Variants in FHIT observed in about 807,000 individuals in gnomAD.
FHIT encodes the protein fragile histidine triad diadenosine triphosphatase, also known as bis(5'-adenosyl)-triphosphatase.
A neutral mutation model predicts 17.9 loss-of-function variants in FHIT; 19 were observed. The ratio of observed to expected loss-of-function variants is 1.06; its 90% CI spans 0.74 to 1.56. The LOEUF (loss-of-function observed/expected upper bound fraction) is 1.56, where lower values mean the gene tolerates loss of function less well. Among genes scored for constraint, FHIT ranks in the 40% most tolerant of loss-of-function variants. The pLI, the probability that FHIT is intolerant of heterozygous loss-of-function variation, is 0.00. For missense variants in FHIT, 248 were observed against 189.2 expected (o/e 1.31, Z -1.82); for synonymous variants, 81 against 69.7 (o/e 1.16, Z -0.81).
chr3:60,919,801 C>T (rs187730222), intron 3 of FHIT, among the ~76,000 whole-genome samples: 11 of 152,076 alleles, frequency 7.2e-5, no homozygotes, highest in African/African-American at 2.2e-4. Flanking sequence ...TTTGGGAGGC[C>T]GAGATAGGTA....
intron 5 of FHIT, among the ~76,000 whole-genome samples, chr3:60,170,517 T>C (rs929910167): frequency 1.3e-5 from 2 of 152,154 alleles, no homozygotes; most frequent in African/African-American, 4.8e-5. Flanking sequence ...AAATGGACCA[T>C]GTTTTGCTCA....
intron 7 of FHIT, among the ~76,000 whole-genome samples, chr3:59,997,275 C>A (rs1242410059): frequency 6.6e-6 from 1 of 152,096 alleles, no homozygotes; most frequent in Non-Finnish European, 1.5e-5. Flanking sequence ...AATACATTTT[C>A]TTTCAACTTC....
intron 8 of FHIT, among the ~76,000 whole-genome samples, chr3:59,768,949 T>C (rs1016809525): frequency 6.6e-6 from 1 of 152,228 alleles, no homozygotes; most frequent in Non-Finnish European, 1.5e-5. Flanking sequence ...TAAACTTACT[T>C]ACAAAGAATC....
intron 4 of FHIT, among the ~76,000 whole-genome samples, chr3:60,584,400 T>A (rs2037842434): frequency 6.6e-6 from 1 of 151,926 alleles, no homozygotes. Context: ...CATACACACA[T>A]ACAACCCTTG....
chr3:60,032,449 C>A (rs1025789215), intron 5 of FHIT, among the ~76,000 whole-genome samples: 2 of 74,974 alleles, frequency 2.7e-5, no homozygotes, highest in Non-Finnish European at 6.9e-5. Context: ...AAGACCGTAC[C>A]TTGAAAAAAA....
intron 8 of FHIT, among the ~76,000 whole-genome samples, chr3:59,760,487 G>T (rs530660160): frequency 4.0e-4 from 61 of 151,808 alleles, no homozygotes; most frequent in Admixed American, 1.4e-3. Flanking sequence ...TTTGGAACAT[G>T]CTATGTACCC....
chr3:60,409,060 T>C (rs1701974482), intron 5 of FHIT, among the ~76,000 whole-genome samples: 1 of 152,170 alleles, frequency 6.6e-6, no homozygotes, highest in Non-Finnish European at 1.5e-5. Flanking sequence ...TTACTATTTA[T>C]TTGATCCTCA....
chr3:60,774,706 A>G (rs1700160912), intron 4 of FHIT, among the ~76,000 whole-genome samples: 1 of 152,162 alleles, frequency 6.6e-6, no homozygotes, highest in Non-Finnish European at 1.5e-5. Flanking sequence ...TTAGTAAGTA[A>G]AATAAGGGTT....
intron 2 of FHIT, among the ~76,000 whole-genome samples, chr3:61,077,393 T>C (rs1281029226): frequency 6.6e-6 from 1 of 151,826 alleles, no homozygotes; most frequent in East Asian, 1.9e-4. Context: ...GGCGAGAAAT[T>C]AGAGTGAGAA....
chr3:61,186,084 T>C (rs2038499251), intron 2 of FHIT, among the ~76,000 whole-genome samples: 1 of 152,208 alleles, frequency 6.6e-6, no homozygotes, highest in Non-Finnish European at 1.5e-5. Flanking sequence ...TTTGTTATTA[T>C]CACCATCACT....
intron 5 of FHIT, among the ~76,000 whole-genome samples, chr3:60,178,777 A>C (rs1701794402): frequency 6.6e-6 from 1 of 152,166 alleles, no homozygotes. Context: ...AGATCAAATA[A>C]GGTAGGGAAA....
intron 3 of FHIT, among the ~76,000 whole-genome samples, chr3:60,993,159 T>C (rs994446462): frequency 6.6e-6 from 1 of 152,166 alleles, no homozygotes; most frequent in African/African-American, 2.4e-5. Flanking sequence ...TCTATCTCAG[T>C]GAAAAATGTT....
chr3:60,094,215 C>G (rs547062321), intron 5 of FHIT, among the ~76,000 whole-genome samples: 101 of 152,242 alleles, frequency 6.6e-4, no homozygotes, highest in Non-Finnish European at 1.2e-3. Context: ...TTATATTTGA[C>G]AAATGATATC....
intron 5 of FHIT, among the ~76,000 whole-genome samples, chr3:60,456,911 C>T (rs184889955): frequency 3.9e-4 from 59 of 152,230 alleles, no homozygotes; most frequent in African/African-American, 1.3e-3. Context: ...CTACAAACCA[C>T]TGCTCAATGA....
intron 2 of FHIT, among the ~76,000 whole-genome samples, chr3:61,115,794 A>G (rs2036283858): frequency 6.6e-6 from 1 of 152,158 alleles, no homozygotes; most frequent in Admixed American, 6.6e-5. Context: ...GTAGGAAAGT[A>G]TAGGGCCTGG....
chr3:60,507,252 A>C lies in FHIT; in HGVS notation c.103+29608T>G, dbSNP rs1576780866. Reference sequence around the variant, plus strand: ...AAGACAATGCAAAAACATTCCAGTCAAGAGAGAAACAACATGCAAAGGCCT... The same window carrying C: ...AAGACAATGCAAAAACATTCCAGTCCAGAGAGAAACAACATGCAAAGGCCT... On this transcript the variant is annotated intron_variant, in intron 5 of 9. Transcript: ENST00000492590. Among the ~76,000 whole-genome samples, 10 of 152,196 alleles carry C rather than the reference A, an allele frequency of 6.6e-5. 1 individual carries two copies. In the South Asian group the frequency reaches 2.1e-3, roughly 32 times the overall value.
intron 3 of FHIT, among the ~76,000 whole-genome samples, chr3:60,825,060 C>T (rs1553740539): frequency 6.6e-6 from 1 of 152,096 alleles, no homozygotes; most frequent in African/African-American, 2.4e-5. Context: ...TCAGTGTTGT[C>T]CAAGATATGA....
chr3:60,155,920 T>C (rs1293539619), intron 5 of FHIT, among the ~76,000 whole-genome samples: 1 of 152,152 alleles, frequency 6.6e-6, no homozygotes, highest in Non-Finnish European at 1.5e-5. Context: ...CCAAGAGACA[T>C]AAAGCGTGCA....
At chr3:60,593,839 G>C (rs1380047605) in intron 4 of FHIT, among the ~76,000 whole-genome samples, 1 of 151,882 alleles carries the variant, frequency 6.6e-6, no homozygotes, top group Non-Finnish European at 1.5e-5. Context: ...ATGCTTGGTG[G>C]GTCAGAAAGT....
Sources: gnomAD v4.1 joint callset for allele counts (sites outside exome capture counted in the v4.1 genomes callset) on GRCh38, gnomAD v4.1.1 for gene constraint, MANE v1.5 for transcripts, NCBI Gene and HGNC (gene_info 2026-07-23, HGNC 2026-07-21) for gene names.